Variants in ATP10B observed in about 807,000 individuals in gnomAD.
ATP10B encodes the protein phospholipid-transporting ATPase VB.
Under a neutral mutation model 141.2 loss-of-function variants are expected in ATP10B, and 122 were observed. That is an observed-to-expected ratio of 0.86 (90% CI 0.75 to 1.00). The LOEUF is 1.00. ATP10B is among the 50% of genes least tolerant of loss of function. ATP10B has a pLI of 0.00. For synonymous variants in ATP10B, 685 were observed against 692.0 expected (o/e 0.99, Z 0.16); for missense variants, 1,876 against 1,825.3 (o/e 1.03, Z -0.51).
chr5:160,715,024 C>T (rs1447097374), intron 3 of ATP10B, among the ~76,000 whole-genome samples: 1 of 97,678 alleles, frequency 1.0e-5, no homozygotes, highest in African/African-American at 3.7e-5. Flanking sequence ...TCAAATCTGT[C>T]AGACAGGGAC....
At chr5:160,823,971 G>A (rs895206276) in intron 1 of ATP10B, among the ~76,000 whole-genome samples, 2 of 152,282 alleles carry the variant, frequency 1.3e-5, no homozygotes, top group African/African-American at 2.4e-5. Context: ...ATACAAATAA[G>A]TACGCAGAAT....
the ATP10B span, among the ~76,000 whole-genome samples, chr5:160,917,394 C>T: frequency 1.3e-5 from 2 of 151,314 alleles, no homozygotes; most frequent in Admixed American, 6.6e-5. Flanking sequence ...CCCTGGGCTA[C>T]CTGGATGTTT....
At chr5:160,646,528 T>C (rs1760285212) in intron 8 of ATP10B, among the ~76,000 whole-genome samples, 1 of 152,192 alleles carries the variant, frequency 6.6e-6, no homozygotes, top group Non-Finnish European at 1.5e-5. Context: ...ATCTGGTAGA[T>C]AAAATAGATT....
At position 160,652,889 on chromosome 5, in the gene ATP10B, T is replaced by TGTA. The variant is rs1308515636; in HGVS notation, c.676-3634_676-3633insTAC. Among the ~76,000 whole-genome samples the TGTA allele has an allele frequency of 3.9e-3, 125 of 32,422 alleles. 6 individuals carry two copies. Among genetic ancestry groups the TGTA allele is most frequent in the African/African-American group, 0.014 (108 of 7,774 alleles). 21.3% of individuals were successfully genotyped at this position (32,422 alleles called of 152,430 possible). A position where few individuals can be genotyped will look rare whatever the true frequency, so the allele number is the denominator to read the frequency against. On this transcript the variant is annotated intron_variant, in intron 7 of 25. Transcript: ENST00000327245. Reference sequence around the variant, plus strand: ...TATAATATATATAATATATATATAATTATATAATATATTATATATACATGT... The same window carrying TGTA: ...TATAATATATATAATATATATATAATGTATATATAATATATTATATATACATGT...
Position 160,762,199 on chromosome 5 carries a change from T to C in ATP10B, c.-331+23360A>G, listed in dbSNP as rs143370764. Reference sequence around the variant, plus strand: ...CTTGCTGGAGATCTAGACATCCAAATACAAGAAGCTCAATGAACACTTGTG... The same window carrying C: ...CTTGCTGGAGATCTAGACATCCAAACACAAGAAGCTCAATGAACACTTGTG... On this transcript the variant is annotated intron_variant, in intron 2 of 25. Transcript: ENST00000327245. 1.3e-3 allele frequency among the ~76,000 whole-genome samples: 194 copies of C among 152,294 alleles called. 1 individual carries two copies. The East Asian group carries it at 0.033, about 26-fold the overall frequency.
intron 22 of ATP10B, among the ~76,000 whole-genome samples, chr5:160,593,026 C>T (rs897767603): frequency 8.5e-5 from 13 of 152,254 alleles, no homozygotes; most frequent in Non-Finnish European, 1.9e-4. Context: ...CCTCTGCAGA[C>T]TTAAATGTCC....
chr5:160,796,271 C>G (rs1179423522), intron 1 of ATP10B, among the ~76,000 whole-genome samples: 1 of 152,218 alleles, frequency 6.6e-6, no homozygotes, highest in Non-Finnish European at 1.5e-5. Flanking sequence ...CTCCATCACC[C>G]TCTCCAAGTC....
chr5:160,778,802 A>C (rs1770520841), intron 2 of ATP10B, among the ~76,000 whole-genome samples: 1 of 152,216 alleles, frequency 6.6e-6, no homozygotes, highest in South Asian at 2.1e-4. Context: ...CTAATTCCAG[A>C]GAGGCGAAAG....
intron 1 of ATP10B, among the ~76,000 whole-genome samples, chr5:160,830,599 G>A (rs1457261493): frequency 6.6e-6 from 1 of 151,864 alleles, no homozygotes. Flanking sequence ...AGAAAACACT[G>A]TTGATTTCAT....
intron 3 of ATP10B, among the ~76,000 whole-genome samples, chr5:160,705,118 C>T (rs1445952828): frequency 1.3e-5 from 2 of 151,718 alleles, no homozygotes; most frequent in Non-Finnish European, 2.9e-5. Context: ...CGGGGTTTCA[C>T]TGTGTTAGCC....
At position 160,749,778 on chromosome 5, in the gene ATP10B, G is replaced by A. The variant is rs532117271; in HGVS notation, c.-330-32744C>T. Among the ~76,000 whole-genome samples the A allele has an allele frequency of 2.0e-4, 31 of 152,256 alleles. 1 individual carries two copies. The South Asian group carries it at 5.8e-3, about 29-fold the overall frequency. On this transcript the variant is annotated intron_variant, in intron 2 of 25. Coordinates refer to ENST00000327245, the MANE Select transcript of ATP10B (RefSeq NM_025153.3). The stretch of plus-strand genomic sequence containing the variant: ...GGACTTCCTGGAAGAAAGAACAGGG[G>A]TAAGTAAGCATGTGTGTGGATCACA...
intron 3 of ATP10B, among the ~76,000 whole-genome samples, chr5:160,695,517 TG>T (rs1180031882): frequency 6.6e-6 from 1 of 151,258 alleles, no homozygotes; most frequent in Non-Finnish European, 1.5e-5. Context: ...TGTGTGTGTG[TG>T]TGTATGTGCT....
At chr5:160,846,445 G>GAAA (rs1336311505) in intron 1 of ATP10B, among the ~76,000 whole-genome samples, 3 of 152,102 alleles carry the variant, frequency 2.0e-5, no homozygotes, top group Non-Finnish European at 4.4e-5. Context: ...AATTAAAACT[G>GAAA]GAAAAGACCA....
At chr5:160,731,412 C>T (rs1343720834) in intron 2 of ATP10B, among the ~76,000 whole-genome samples, 1 of 152,166 alleles carries the variant, frequency 6.6e-6, no homozygotes, top group Admixed American at 6.5e-5. Flanking sequence ...AATGGCTTTG[C>T]AAGAGTTTGA....
chr5:160,569,525 A>T lies in ATP10B; in HGVS notation c.3909T>A (p.Phe1303Leu). ...GGAGAAGAGCAACAACTGGTGTGAG[A>T]AAGCAGACGAGGTAGAAAGTGGGGT... The part of the protein sequence containing the change: ...LSNPTFYLVC[F>L]LTPVVALLPR... The change falls in exon 25 of 26, where the codon TTT (phenylalanine) becomes TTA (leucine). Residue 1303 changes from phenylalanine to leucine, a missense_variant. Coordinates refer to ENST00000327245, the MANE Select transcript of ATP10B (RefSeq NM_025153.3). 6.2e-7 allele frequency: 1 copy of T among 1,613,948 alleles called. No homozygotes were observed. The highest frequency in any genetic ancestry group is 8.5e-7 in the Non-Finnish European group (1 of 1,179,882).
In ATP10B at chr5:160,636,235, G is replaced by A. The variant is rs770370692; in HGVS notation, c.1075C>T (p.Pro359Ser). ...ATGTAGAAGCCCCCAAGGGCACTGG[G>A]AAGGAAGCTGCCATTGGCATCTGGC... Reference protein sequence around the residue: ...DVPDANGSFLPSALGGFYMFL... With the variant: ...DVPDANGSFLSSALGGFYMFL... Residue 359 changes from proline (P) to serine (S), a missense_variant, in exon 11 of 26, where the codon CCC (proline) becomes TCC (serine). Transcript: ENST00000327245. 6.2e-7 allele frequency: 1 copy of A among 1,613,716 alleles called. No individual in the cohort carries two copies. Among genetic ancestry groups the A allele is most frequent in the South Asian group, 1.1e-5 (1 of 90,982 alleles).
intron 7 of ATP10B, among the ~76,000 whole-genome samples, chr5:160,666,071 G>A (rs76936286): frequency 0.021 from 3,191 of 152,166 alleles, 117 homozygotes; most frequent in African/African-American, 0.07. Context: ...GCTTAAAATA[G>A]ACAATGCATG....
intron 7 of ATP10B, among the ~76,000 whole-genome samples, chr5:160,669,701 G>A (rs1762549839): frequency 6.8e-6 from 1 of 147,104 alleles, no homozygotes; most frequent in Non-Finnish European, 1.5e-5. Flanking sequence ...CTGGGTTCAA[G>A]TGATTCTACC....
chr5:160,586,895 T>G (rs1184252955), intron 24 of ATP10B, among the ~76,000 whole-genome samples: 2 of 152,236 alleles, frequency 1.3e-5, no homozygotes, highest in African/African-American at 4.8e-5. Context: ...TTACAAAAAT[T>G]TTCTCCCATT....
Sources: allele counts gnomAD v4.1 joint callset (sites outside exome capture counted in the v4.1 genomes callset), GRCh38; gene constraint gnomAD v4.1.1; transcripts MANE v1.5; gene names NCBI Gene and HGNC (gene_info 2026-07-23, HGNC 2026-07-21).